Variants in TMX3 observed in about 807,000 individuals in gnomAD.
TMX3 encodes protein disulfide-isomerase TMX3.
TMX3 carries 40 observed loss-of-function variants against 64.4 expected under a neutral mutation model. The observed-to-expected ratio is 0.62, with a 90% confidence interval of 0.48 to 0.81. The LOEUF (loss-of-function observed/expected upper bound fraction) is 0.81. Among genes scored for constraint, TMX3 ranks in the 30% least tolerant of loss-of-function variants. The probability of loss-of-function intolerance (pLI) is 0.00; values close to 1 mark genes in which losing one functional copy is unlikely to be tolerated. For missense variants in TMX3, 497 were observed against 534.5 expected, an observed-to-expected ratio of 0.93 and a Z score of 0.69; for synonymous variants, 189 against 175.7, an observed-to-expected ratio of 1.08 and a Z score of -0.60.
intron 9 of TMX3, among the ~76,000 whole-genome samples, chr18:68,688,151 T>C (rs1914146924): frequency 6.6e-6 from 1 of 152,134 alleles, no homozygotes; most frequent in Non-Finnish European, 1.5e-5. Context: ...AACTGTAACT[T>C]CGTAAAAGAA....
At chr18:68,679,629 C>A in intron 14 of TMX3, 98 bp from the exon 15 acceptor site, 2 of 911,460 alleles carry the variant, frequency 2.2e-6, no homozygotes, top group Non-Finnish European at 1.7e-6. Context: ...TGGTTGACTC[C>A]AAAATATTAC....
rs75900883 is a variant in TMX3 at position 68,694,692 on chromosome 18, A to G, written c.570+2534T>C. Reference sequence around the variant, plus strand: ...ACACCCTAAGGATCCCGTGACATTAATTTCCCCTCCAAAAGTAAATACATA... The same window carrying G: ...ACACCCTAAGGATCCCGTGACATTAGTTTCCCCTCCAAAAGTAAATACATA... On this transcript the variant is annotated intron_variant, in intron 8 of 15. Transcript: ENST00000299608. 2.0e-5 allele frequency among the ~76,000 whole-genome samples: 3 copies of G among 152,222 alleles called. No homozygotes were observed. In the East Asian group the frequency reaches 5.8e-4, roughly 30 times the overall value.
intron 10 of TMX3, chr18:68,686,982 A>G: frequency 4.1e-6 from 4 of 983,436 alleles, no homozygotes; most frequent in Non-Finnish European, 4.8e-6. Context: ...TTACATTAAA[A>G]AAAAATAAGT....
chr18:68,703,793 G>A lies in TMX3; in HGVS notation c.266-2003C>T, dbSNP rs374655083. ...AAACTACAAAAAATTAGTCGCGCGC[G>A]GTGGCGGGTGCCTGTAGTCCCAGCT... On this transcript the variant is annotated intron_variant, in intron 4 of 15. Coordinates refer to ENST00000299608, the MANE Select transcript of TMX3 (RefSeq NM_019022.5). 2.2e-4 allele frequency among the ~76,000 whole-genome samples: 33 copies of A among 152,080 alleles called. No homozygotes were observed. In the South Asian group the frequency reaches 4.2e-3, roughly 19 times the overall value.
In TMX3 at chr18:68,681,045, C is replaced by T; in HGVS notation, c.971G>A (p.Arg324Lys). Reference protein sequence around the residue: ...TSNQQYFLLDRQIKNVEDMVQ... With the variant: ...TSNQQYFLLDKQIKNVEDMVQ... ...CATGTCTTCAACATTCTTAATCTGT[C>T]TATCTAGCAAGAAATATTGCTGGTT... is the stretch of plus-strand genomic sequence containing the variant. Residue 324 changes from arginine (R) to lysine (K), a missense_variant, in exon 14 of 16, where the codon AGA becomes AAA. Physicochemically the swap from Arg to Lys is conservative, Grantham distance 26. Transcript: ENST00000299608. 6.2e-7 allele frequency: 1 copy of T among 1,603,472 alleles called. No homozygotes were observed. The highest frequency in any genetic ancestry group is 8.5e-7 in the Non-Finnish European group (1 of 1,175,358).
chr18:68,677,639 T>A (rs576053090), intron 15 of TMX3, among the ~76,000 whole-genome samples: 1 of 152,308 alleles, frequency 6.6e-6, no homozygotes, highest in African/African-American at 2.4e-5. Context: ...ATTTTTTACT[T>A]ATCTGGTTAG....
At chr18:68,697,186 A>C (rs570198501) in intron 8 of TMX3, 40 bp downstream of exon 8, 34 of 1,028,386 alleles carry the variant, frequency 3.3e-5, no homozygotes, top group Non-Finnish European at 4.9e-5. Context: ...ATAATTTAAT[A>C]AATAAAATTG....
chr18:68,706,480 C>G (rs2030681518), intron 4 of TMX3: 2 of 151,974 alleles, frequency 1.3e-5, no homozygotes, highest in South Asian at 4.2e-4. Context: ...TACAGACTCT[C>G]AAGACCCAAT....
chr18:68,693,781 C>A (rs967690270), intron 8 of TMX3, among the ~76,000 whole-genome samples: 1 of 151,984 alleles, frequency 6.6e-6, no homozygotes, highest in Non-Finnish European at 1.5e-5. Flanking sequence ...CCAGGGAAGG[C>A]CTGAAGCCTG....
intron 10 of TMX3, chr18:68,687,465 T>C: frequency 3.0e-6 from 3 of 985,384 alleles, no homozygotes; most frequent in Non-Finnish European, 3.6e-6. Context: ...TAGTAAACCA[T>C]CTCTTTAATC....
intron 6 of TMX3, among the ~76,000 whole-genome samples, chr18:68,698,497 A>G (rs79060812): frequency 0.037 from 5,663 of 152,284 alleles, 362 homozygotes; most frequent in African/African-American, 0.13. Context: ...TAAATGGTAT[A>G]TACTTTTTAA....
chr18:68,703,061 T>A (rs759847514), intron 4 of TMX3, among the ~76,000 whole-genome samples: 13 of 152,224 alleles, frequency 8.5e-5, no homozygotes, highest in Non-Finnish European at 1.8e-4. Context: ...TTTGTGCCCG[T>A]CTGTAATCTA....
chr18:68,692,423 G>C (rs754603519), intron 8 of TMX3, among the ~76,000 whole-genome samples: 1 of 152,002 alleles, frequency 6.6e-6, no homozygotes, highest in Non-Finnish European at 1.5e-5. Flanking sequence ...GTTACAGTCT[G>C]CATGTCAATC....
At chr18:68,682,810 C>A in intron 13 of TMX3, 115 bp downstream of exon 13, 1 of 768,018 alleles carries the variant, frequency 1.3e-6, no homozygotes, top group South Asian at 2.6e-5. Flanking sequence ...ATATCTGCAT[C>A]TGAATATGTC....
intron 9 of TMX3, chr18:68,688,951 C>T (rs1327850549): frequency 6.6e-6 from 1 of 152,170 alleles, no homozygotes; most frequent in Non-Finnish European, 1.5e-5. Context: ...GGGTACTATG[C>T]TTATTACCTG....
chr18:68,699,792 A>G (rs1159801678), intron 6 of TMX3, among the ~76,000 whole-genome samples: 1 of 152,152 alleles, frequency 6.6e-6, no homozygotes, highest in Non-Finnish European at 1.5e-5. Context: ...AAACCAACAA[A>G]AAGTGCTTAC....
In TMX3 at chr18:68,678,743, G is replaced by A. The variant is rs535127907; in HGVS notation, c.1104+720C>T. Among the ~76,000 whole-genome samples the A allele has an allele frequency of 5.3e-5, 8 of 152,060 alleles. No homozygotes were observed. The East Asian group carries it at 5.8e-4, about 11-fold the overall frequency. On this transcript the variant is annotated intron_variant, in intron 15 of 15. Coordinates refer to ENST00000299608, the MANE Select transcript of TMX3 (RefSeq NM_019022.5). Reference sequence around the variant, plus strand: ...GTATAATTATAAAAACAAGAGAGACGGGTAATTAGGGGCAGACATGTCAAT... The same window carrying A: ...GTATAATTATAAAAACAAGAGAGACAGGTAATTAGGGGCAGACATGTCAAT...
rs141869835 is a variant in TMX3, at chr18:68,676,310, C to G, written c.*623G>C. ...TCACAAGACTTTTTTTCCCCATTAT[C>G]TAGGCATATATGAAAATTTTATGAT... On this transcript the variant is annotated 3_prime_UTR_variant, in exon 16 of 16. Transcript: ENST00000299608. 1 of 151,962 alleles carries G rather than the reference C, an allele frequency of 6.6e-6. No homozygotes were observed. The highest frequency in any genetic ancestry group is 1.9e-4 in the East Asian group (1 of 5,180). The allele number at this position is 151,962 out of a possible 1,614,324, so 9.4% of individuals were successfully genotyped here.
Position 68,677,070 on chromosome 18 carries a change from A to T in TMX3, c.1228T>A (p.Tyr410Asn), listed in dbSNP as rs1328282909. Residue 410 changes from tyrosine to asparagine, a missense_variant, in exon 16 of 16, where the codon TAT becomes AAT. Physicochemically the swap from Tyr to Asn is moderately radical, Grantham distance 143 (BLOSUM62 -2). This residue lies in a region of TMX3 where 94 missense variants were observed against 75.8 expected (regional missense o/e 1.24). Coordinates refer to ENST00000299608, the MANE Select transcript of TMX3 (RefSeq NM_019022.5). ...TCATTTTCACTTTTAGACACTTCAT[A>T]TCGTTCTTCTATATAACCTCCATCT... ...DTDGGYIEER[Y>N]EVSKSENENQ... 6.2e-7 allele frequency: 1 copy of T among 1,613,748 alleles called. No individual in the cohort carries two copies. The highest frequency in any genetic ancestry group is 1.1e-5 in the South Asian group (1 of 91,074).
Sources: allele counts gnomAD v4.1 joint callset (sites outside exome capture counted in the v4.1 genomes callset), GRCh38; gene constraint gnomAD v4.1.1; regional missense constraint gnomAD v4.1.1; transcripts MANE v1.5; gene names NCBI Gene and HGNC (gene_info 2026-07-23, HGNC 2026-07-21).